SWT1: variants seen among roughly 807,000 people sequenced by gnomAD.
The protein encoded by SWT1 is transcriptional protein SWT1.
Under a neutral mutation model 107.3 loss-of-function variants are expected in SWT1, and 33 were observed. That is an observed-to-expected ratio of 0.31 (90% CI 0.23 to 0.41). The LOEUF is 0.41. Ranked by LOEUF, SWT1 falls within the 10% of genes least tolerant of loss-of-function variation. The pLI, the probability that SWT1 is intolerant of heterozygous loss-of-function variation, is 1.00. For synonymous variants in SWT1, 345 were observed against 348.3 expected, an observed-to-expected ratio of 0.99 and a Z score of 0.11; for missense variants, 898 against 1,028.9, an observed-to-expected ratio of 0.87 and a Z score of 1.74.
At chr1:185,164,892 A>C (rs55744174) in intron 2 of SWT1, among the ~76,000 whole-genome samples, 30,937 of 152,138 alleles carry the variant, frequency 0.2, 3,703 homozygotes, top group Middle Eastern at 0.3. Context: ...TTTCCTTTGC[A>C]TTCATAACTT....
At chr1:185,249,192 C>T (rs577075030) in intron 16 of SWT1, among the ~76,000 whole-genome samples, 115 of 152,252 alleles carry the variant, frequency 7.6e-4, no homozygotes, top group Non-Finnish European at 1.4e-3. Flanking sequence ...TGAGCTTTGT[C>T]GCAGGCTGCA....
chr1:185,281,999 C>A (rs1468677697), intron 18 of SWT1, among the ~76,000 whole-genome samples: 1 of 152,144 alleles, frequency 6.6e-6, no homozygotes, highest in Non-Finnish European at 1.5e-5. Context: ...TGATCTTGTA[C>A]CTAATACTGC....
Position 185,175,111 on chromosome 1 carries a change from C to G in SWT1, c.964C>G (p.Gln322Glu), listed in dbSNP as rs1374203167. The change falls in exon 5 of 19, where the codon CAG (glutamine) becomes GAG (glutamate). Residue 322 changes from glutamine (Q) to glutamate (E), a missense_variant and splice_region_variant. Coordinates refer to ENST00000367500, the MANE Select transcript of SWT1 (RefSeq NM_017673.7). ...TTCACATTCTAGGGAAAACCTAACCCAGGTAAGGTAGTAAAAAATGAAGAA... is the reference window on the plus strand; with the variant it reads ...TTCACATTCTAGGGAAAACCTAACCGAGGTAAGGTAGTAAAAAATGAAGAA... ...NDSHSRENLT[Q>E]SFEAPCCSVS... The G allele has an allele frequency of 3.3e-6, 5 of 1,512,508 alleles. No homozygotes were observed. In the East Asian group the frequency reaches 1.2e-4, roughly 35 times the overall value. 93.7% of individuals were successfully genotyped at this position (1,512,508 alleles called of 1,614,324 possible).
At chr1:185,267,286 A>G (rs1663475725) in intron 16 of SWT1, among the ~76,000 whole-genome samples, 1 of 152,198 alleles carries the variant, frequency 6.6e-6, no homozygotes, top group South Asian at 2.1e-4. Context: ...ACGCTGCTTT[A>G]TCCCCATTTC....
intron 14 of SWT1, among the ~76,000 whole-genome samples, chr1:185,215,737 T>C (rs1252483048): frequency 1.3e-5 from 2 of 152,042 alleles, no homozygotes; most frequent in South Asian, 2.1e-4. Flanking sequence ...GGCAGAGTTA[T>C]GCCCTAATAC....
At chr1:185,202,867 A>C in intron 11 of SWT1, 68 bp downstream of exon 11, 1 of 859,644 alleles carries the variant, frequency 1.2e-6, no homozygotes, top group African/African-American at 1.8e-5. Flanking sequence ...TTATAACATT[A>C]GAATCGATAG....
chr1:185,210,036 T>G (rs563699413), intron 13 of SWT1, among the ~76,000 whole-genome samples: 2 of 152,226 alleles, frequency 1.3e-5, no homozygotes, highest in Admixed American at 6.5e-5. Flanking sequence ...TTGAGAAGTG[T>G]CTGTTCATAT....
In SWT1 at chr1:185,174,792, T is replaced by C. The variant is rs747277765; in HGVS notation, c.645T>C (p.Tyr215=). 7.4e-6 allele frequency: 12 copies of C among 1,612,170 alleles called. No individual in the cohort carries two copies. The East Asian group carries it at 2.7e-4, about 36-fold the overall frequency. Residue 215 remains tyrosine (Y), a synonymous_variant, in exon 5 of 19, where the codon TAT becomes TAC. Transcript: ENST00000367500. ...KWKRNQFSQD[Y]NSNKIIKEPL... ...AGAGAAATCAATTTTCTCAGGATTA[T>C]AACTCCAACAAGATAATTAAGGAAC...
chr1:185,268,131 C>G (rs1663539349), intron 16 of SWT1, among the ~76,000 whole-genome samples: 1 of 152,148 alleles, frequency 6.6e-6, no homozygotes, highest in African/African-American at 2.4e-5. Flanking sequence ...CTCCAACCAT[C>G]TTTCAAAATA....
chr1:185,248,729 A>G (rs1288139586), intron 16 of SWT1, among the ~76,000 whole-genome samples: 1 of 150,792 alleles, frequency 6.6e-6, no homozygotes, highest in Admixed American at 6.6e-5. Flanking sequence ...TAGAACTTTC[A>G]CTAAAAGGAA....
intron 14 of SWT1, among the ~76,000 whole-genome samples, chr1:185,219,134 G>A (rs1452490396): frequency 1.3e-5 from 2 of 152,134 alleles, no homozygotes; most frequent in Non-Finnish European, 2.9e-5. Context: ...ACAAAAATGG[G>A]AAGAATCATC....
At chr1:185,160,147 A>G (rs1002163710) in intron 1 of SWT1, among the ~76,000 whole-genome samples, 1 of 152,250 alleles carries the variant, frequency 6.6e-6, no homozygotes, top group Non-Finnish European at 1.5e-5. Context: ...TGTTCAATGA[A>G]TGACTGAAGG....
At chr1:185,275,427 TATA>T (rs1664173959) in intron 17 of SWT1, among the ~76,000 whole-genome samples, 1 of 148,960 alleles carries the variant, frequency 6.7e-6, no homozygotes, top group South Asian at 2.1e-4. Context: ...AATCATTAAA[TATA>T]ATATCAAATA....
intron 16 of SWT1, among the ~76,000 whole-genome samples, chr1:185,250,257 A>G (rs1050741651): frequency 6.6e-6 from 1 of 152,148 alleles, no homozygotes; most frequent in Non-Finnish European, 1.5e-5. Context: ...CCTCCCTCGT[A>G]GCTGTCACCA....
intron 15 of SWT1, among the ~76,000 whole-genome samples, chr1:185,228,200 T>TATATATATAAAC (rs1235462995): frequency 6.9e-6 from 1 of 144,958 alleles, no homozygotes; most frequent in African/African-American, 2.7e-5. Flanking sequence ...CATATATATA[T>TATATATATAAAC]ACTCAGTATG....
chr1:185,289,076 A>G (rs946516484), intron 18 of SWT1, among the ~76,000 whole-genome samples: 1 of 152,194 alleles, frequency 6.6e-6, no homozygotes, highest in Admixed American at 6.5e-5. Flanking sequence ...TTCAGGAGGT[A>G]CATCCTCTTA....
intron 4 of SWT1, among the ~76,000 whole-genome samples, chr1:185,173,079 A>G (rs962965343): frequency 1.3e-5 from 2 of 149,062 alleles, no homozygotes; most frequent in African/African-American, 4.9e-5. Context: ...ATGGTATGTT[A>G]TTGTTATTAT....
At chr1:185,247,106 C>T (rs567963396) in intron 16 of SWT1, among the ~76,000 whole-genome samples, 1 of 152,192 alleles carries the variant, frequency 6.6e-6, no homozygotes, top group East Asian at 1.9e-4. Context: ...AAACTGTTAC[C>T]CATTTGATGA....
chr1:185,247,969 A>C (rs944113532), intron 16 of SWT1, among the ~76,000 whole-genome samples: 6 of 152,110 alleles, frequency 3.9e-5, no homozygotes, highest in African/African-American at 1.4e-4. Flanking sequence ...TCCTAAATTA[A>C]TAGTTATTTC....
Sources: allele counts gnomAD v4.1 joint callset (sites outside exome capture counted in the v4.1 genomes callset), GRCh38; gene constraint gnomAD v4.1.1; transcripts MANE v1.5; gene names NCBI Gene and HGNC (gene_info 2026-07-23, HGNC 2026-07-21).